The following CYRIB variants were observed in gnomAD, a reference collection of about 807,000 sequenced individuals.
CYRIB encodes the protein CYFIP related Rac1 interactor B, also known as CYFIP-related Rac1 interactor B.
In CYRIB, 8 loss-of-function variants were observed where a neutral mutation model predicts 44.2. The ratio of observed to expected loss-of-function variants is 0.18; its 90% CI spans 0.11 to 0.33. The LOEUF (loss-of-function observed/expected upper bound fraction) is 0.33. Ranked by LOEUF, CYRIB falls within the 10% of genes least tolerant of loss-of-function variation. The pLI is 1.00. For synonymous variants in CYRIB, 131 were observed against 127.2 expected (o/e 1.03, Z -0.20); for missense variants, 185 against 382.8 (o/e 0.48, Z 4.31).
At chr8:129,936,736 T>C (rs2092865612) in intron 1 of CYRIB, among the ~76,000 whole-genome samples, 1 of 149,912 alleles carries the variant, frequency 6.7e-6, no homozygotes, top group Non-Finnish European at 1.5e-5. Context: ...AGACGGAGTC[T>C]TGCTCTGTCG....
At chr8:129,870,946 CAAAAG>C (rs1345221194) in intron 4 of CYRIB, among the ~76,000 whole-genome samples, 1 of 152,008 alleles carries the variant, frequency 6.6e-6, no homozygotes, top group Non-Finnish European at 1.5e-5. Context: ...TTCTGAAAAA[CAAAAG>C]AAACAAAAAA....
chr8:129,976,781 G>C (rs2095939180), intron 1 of CYRIB, among the ~76,000 whole-genome samples: 1 of 152,082 alleles, frequency 6.6e-6, no homozygotes, highest in Non-Finnish European at 1.5e-5. Flanking sequence ...TAGAATTTCT[G>C]AATCAGAAGA....
At chr8:129,944,608 C>A (rs940713503), upstream of CYRIB, among the ~76,000 whole-genome samples, 6 of 151,962 alleles carry the variant, frequency 3.9e-5, no homozygotes, top group Admixed American at 2.0e-4. Flanking sequence ...CATGGTGAAA[C>A]CCCGTCTCTA....
At chr8:129,867,479 C>T (rs2054381534) in intron 4 of CYRIB, among the ~76,000 whole-genome samples, 1 of 151,672 alleles carries the variant, frequency 6.6e-6, no homozygotes, top group Non-Finnish European at 1.5e-5. Flanking sequence ...GGACATATTA[C>T]ATTAATGGAA....
intron 1 of CYRIB, among the ~76,000 whole-genome samples, chr8:130,011,200 C>A (rs1358633370): frequency 2.0e-5 from 3 of 152,126 alleles, no homozygotes; most frequent in African/African-American, 7.2e-5. Flanking sequence ...CCTCTCCGAC[C>A]CTCAAGGAAG....
intron 1 of CYRIB, among the ~76,000 whole-genome samples, chr8:129,931,920 C>G (rs1351697453): frequency 6.6e-6 from 1 of 152,016 alleles, no homozygotes; most frequent in African/African-American, 2.4e-5. Context: ...AGTCAGTATG[C>G]CTGGCACTTC....
At chr8:129,912,243 A>T (rs2078415782) in intron 1 of CYRIB, 1 of 152,154 alleles carries the variant, frequency 6.6e-6, no homozygotes, top group Non-Finnish European at 1.5e-5. Context: ...TCGATTTCAT[A>T]AAAGATCAAA....
At position 129,956,837 on chromosome 8, in the gene CYRIB, A is replaced by T. The variant is rs837225; in HGVS notation, c.-243+14106T>A. Among the ~76,000 whole-genome samples, 66 of 116,380 alleles carry T rather than the reference A, an allele frequency of 5.7e-4. 1 individual carries two copies. Among genetic ancestry groups the T allele is most frequent in the African/African-American group, 2.1e-3 (64 of 29,832 alleles). The allele number at this position is 116,380 out of a possible 152,430, so 76.3% of individuals were successfully genotyped here. On this transcript the variant is annotated intron_variant, in intron 2 of 14. Transcript: ENST00000401979. Reference sequence around the variant, plus strand: ...CCCTCCTCCCTCCCTCCCTCCCCCCAGCCTCTCTTTCTTTCTTTCTTTCTT... The same window carrying T: ...CCCTCCTCCCTCCCTCCCTCCCCCCTGCCTCTCTTTCTTTCTTTCTTTCTT...
At chr8:130,007,980 G>A (rs1229691081) in intron 1 of CYRIB, among the ~76,000 whole-genome samples, 5 of 151,974 alleles carry the variant, frequency 3.3e-5, no homozygotes, top group Admixed American at 6.6e-5. Context: ...AGGCCGAGGC[G>A]GCCAGATCAT....
intron 2 of CYRIB, among the ~76,000 whole-genome samples, chr8:129,958,755 C>G (rs2095036274): frequency 6.7e-6 from 1 of 149,192 alleles, no homozygotes; most frequent in Non-Finnish European, 1.5e-5. Context: ...TCCCATCTAC[C>G]ACTGGTTTAA....
chr8:129,874,572 C>T (rs1184431230), intron 3 of CYRIB, among the ~76,000 whole-genome samples: 1 of 152,036 alleles, frequency 6.6e-6, no homozygotes, highest in Admixed American at 6.6e-5. Flanking sequence ...CCAGAATGTA[C>T]AGTATGTACC....
intron 2 of CYRIB, among the ~76,000 whole-genome samples, chr8:129,963,655 C>G (rs555756096): frequency 6.6e-6 from 1 of 152,184 alleles, no homozygotes; most frequent in Non-Finnish European, 1.5e-5. Flanking sequence ...GATTCACATT[C>G]ATCTTACAGT....
At chr8:129,966,739 C>T (rs916338937) in intron 2 of CYRIB, among the ~76,000 whole-genome samples, 1 of 152,094 alleles carries the variant, frequency 6.6e-6, no homozygotes, top group Non-Finnish European at 1.5e-5. Context: ...GGCCTCACTC[C>T]ATGGCCCAGG....
At chr8:129,877,663 G>GGTGTGTGTGTGTGTGT (rs5895011) in intron 3 of CYRIB, among the ~76,000 whole-genome samples, 2 of 130,684 alleles carry the variant, frequency 1.5e-5, no homozygotes, top group African/African-American at 6.5e-5. Flanking sequence ...AAAAAAAAAA[G>GGTGTGTGTGTGTGTGT]GTGTGTGTGT....
At chr8:130,006,594 T>TTATATATATATATATATATATATA in intron 1 of CYRIB, among the ~76,000 whole-genome samples, 6 of 15,314 alleles carry the variant, frequency 3.9e-4, no homozygotes, top group Non-Finnish European at 5.2e-4. Context: ...AAAACACAAA[T>TTATATATATATATATATATATATA]TATATATATA....
intron 1 of CYRIB, among the ~76,000 whole-genome samples, chr8:129,931,897 G>C (rs2091521371): frequency 6.6e-6 from 1 of 152,094 alleles, no homozygotes; most frequent in Non-Finnish European, 1.5e-5. Context: ...AAATTGCTGG[G>C]ATTGCAGGCG....
intron 6 of CYRIB, 39 bp downstream of exon 8, chr8:129,855,572 A>C: frequency 1.2e-6 from 2 of 1,609,436 alleles, no homozygotes; most frequent in Non-Finnish European, 1.7e-6. Flanking sequence ...TAAAAGATTC[A>C]TGATTTTCGT....
chr8:129,913,474 A>T (rs1453211022), intron 1 of CYRIB, among the ~76,000 whole-genome samples: 1 of 152,258 alleles, frequency 6.6e-6, no homozygotes, highest in African/African-American at 2.4e-5. Flanking sequence ...AAACCAAAGC[A>T]CATTCTTCAA....
chr8:129,959,449 G>T (rs2095105384), intron 2 of CYRIB, among the ~76,000 whole-genome samples: 1 of 152,018 alleles, frequency 6.6e-6, no homozygotes, highest in African/African-American at 2.4e-5. Flanking sequence ...TTAAGACTAG[G>T]TGAATGCCCT....
Sources: gnomAD v4.1 joint callset for allele counts (sites outside exome capture counted in the v4.1 genomes callset) on GRCh38, gnomAD v4.1.1 for gene constraint, MANE v1.5 for transcripts, NCBI Gene and HGNC (gene_info 2026-07-23, HGNC 2026-07-21) for gene names.